Variants in TUT4 observed in about 807,000 individuals in gnomAD.
TUT4 encodes terminal uridylyl transferase 4, also known as terminal uridylyltransferase 4.
A neutral mutation model predicts 192.2 loss-of-function variants in TUT4; 36 were observed. That is an observed-to-expected ratio of 0.19 (90% CI 0.14 to 0.25). The LOEUF is 0.25. Among genes scored for constraint, TUT4 ranks in the 10% least tolerant of loss-of-function variants. The probability of loss-of-function intolerance (pLI) is 1.00; values close to 1 mark genes in which losing one functional copy is unlikely to be tolerated. For missense variants in TUT4, 1,493 were observed against 1,957.2 expected (o/e 0.76, Z 4.47); for synonymous variants, 618 against 666.0 (o/e 0.93, Z 1.11).
intron 27 of TUT4, 119 bp downstream of exon 27, chr1:52,435,246 T>A: frequency 2.8e-6 from 2 of 722,908 alleles, no homozygotes; most frequent in Non-Finnish European, 4.5e-6. Context: ...AGGACATATA[T>A]ACAAAGCACT....
At chr1:52,499,580 A>G (rs1255625781) in intron 4 of TUT4, among the ~76,000 whole-genome samples, 3 of 151,886 alleles carry the variant, frequency 2.0e-5, no homozygotes, top group Non-Finnish European at 4.4e-5. Flanking sequence ...TACAAAAAAT[A>G]TAAAAATTAG....
intron 1 of TUT4, among the ~76,000 whole-genome samples, chr1:52,527,706 T>C (rs1682193366): frequency 6.6e-6 from 1 of 152,010 alleles, no homozygotes; most frequent in Admixed American, 6.6e-5. Context: ...TAAAGTAAAC[T>C]ATAGACACTG....
chr1:52,451,513 G>A (rs1302314672), intron 20 of TUT4, among the ~76,000 whole-genome samples: 2 of 152,074 alleles, frequency 1.3e-5, no homozygotes, highest in Non-Finnish European at 2.9e-5. Flanking sequence ...CTACAATTTT[G>A]ATAACCTAGA....
intron 9 of TUT4, among the ~76,000 whole-genome samples, chr1:52,482,585 C>T (rs888659364): frequency 6.6e-6 from 1 of 152,064 alleles, no homozygotes; most frequent in Non-Finnish European, 1.5e-5. Context: ...CACCACCATG[C>T]TCAGCTAATT....
At chr1:52,457,513 C>T (rs200434983) in intron 20 of TUT4, among the ~76,000 whole-genome samples, 4 of 152,170 alleles carry the variant, frequency 2.6e-5, no homozygotes, top group East Asian at 3.9e-4. Context: ...GGATTACAGG[C>T]GTGAGCCACC....
chr1:52,427,955 C>G (rs1418200146), intron 28 of TUT4, among the ~76,000 whole-genome samples: 1 of 152,160 alleles, frequency 6.6e-6, no homozygotes, highest in Non-Finnish European at 1.5e-5. Context: ...AATCCAGTCT[C>G]TGAATCTAAA....
chr1:52,427,524 T>G (rs1370457626), intron 28 of TUT4, among the ~76,000 whole-genome samples: 2 of 152,234 alleles, frequency 1.3e-5, no homozygotes, highest in Non-Finnish European at 2.9e-5. Flanking sequence ...GGGTCTGTCT[T>G]CATGGTTCTA....
chr1:52,460,396 C>A (rs368474935), intron 19 of TUT4, among the ~76,000 whole-genome samples: 2 of 151,862 alleles, frequency 1.3e-5, no homozygotes, highest in African/African-American at 4.8e-5. Context: ...GCAGGAGAAT[C>A]GCTTAAACCC....
At chr1:52,439,726 G>A (rs1654931738) in intron 24 of TUT4, among the ~76,000 whole-genome samples, 1 of 152,040 alleles carries the variant, frequency 6.6e-6, no homozygotes, top group Non-Finnish European at 1.5e-5. Flanking sequence ...TCCTTGAAAA[G>A]TTAAACATAA....
intron 1 of TUT4, among the ~76,000 whole-genome samples, chr1:52,537,963 T>C (rs548681495): frequency 1.3e-5 from 2 of 151,874 alleles, no homozygotes; most frequent in Admixed American, 6.6e-5. Context: ...TGGCTGGGCA[T>C]GGCGGCTCAT....
intron 1 of TUT4, among the ~76,000 whole-genome samples, chr1:52,538,228 T>C (rs1228693443): frequency 1.3e-5 from 2 of 151,860 alleles, no homozygotes; most frequent in East Asian, 3.9e-4. Context: ...AGAGCAAGAC[T>C]CCATCTCAAA....
chr1:52,469,418 G>A (rs145580543), intron 14 of TUT4, among the ~76,000 whole-genome samples: 11 of 152,222 alleles, frequency 7.2e-5, no homozygotes, highest in African/African-American at 2.2e-4. Context: ...AGGGGTATTG[G>A]TTAACAGTTC....
intron 13 of TUT4, 67 bp from the exon 14 acceptor site, chr1:52,472,169 AT>A: frequency 7.1e-7 from 1 of 1,415,968 alleles, no homozygotes; most frequent in East Asian, 2.4e-5. Flanking sequence ...TAGGAAGTGA[AT>A]TCAAAACAAA....
rs958626409 is a variant in TUT4 at position 52,461,636 on chromosome 1, C to T, written c.3128-20G>A. On this transcript the variant is annotated intron_variant, in intron 17 of 29. Coordinates refer to ENST00000257177, the MANE Select transcript of TUT4 (RefSeq NM_001009881.3). ...TTAAACCTAATTTAAAAAAAAAAGA[C>T]TTCAGTAGGTTAAATAATTTTCATA... is the stretch of plus-strand genomic sequence containing the variant. The T allele has an allele frequency of 1.9e-5, 30 of 1,573,842 alleles. No homozygotes were observed. In the East Asian group the frequency reaches 6.7e-4, roughly 35 times the overall value.
chr1:52,527,330 G>A (rs1337352375), intron 1 of TUT4, among the ~76,000 whole-genome samples: 7 of 152,118 alleles, frequency 4.6e-5, no homozygotes, highest in Admixed American at 2.6e-4. Context: ...GGCGGATCAC[G>A]AGGTCAGGAG....
intron 24 of TUT4, among the ~76,000 whole-genome samples, chr1:52,441,437 C>T (rs548871586): frequency 2.7e-5 from 4 of 145,888 alleles, no homozygotes; most frequent in African/African-American, 5.3e-5. Flanking sequence ...CCACCACTCT[C>T]GGCTAAATTT....
At chr1:52,467,053 G>A (rs903980051) in intron 15 of TUT4, among the ~76,000 whole-genome samples, 38 of 152,238 alleles carry the variant, frequency 2.5e-4, no homozygotes, top group African/African-American at 8.9e-4. Context: ...GCTAAGGCAG[G>A]AGGATTGCTT....
intron 8 of TUT4, 35 bp downstream of exon 8, chr1:52,490,696 TG>T (rs1217831900): frequency 2.3e-5 from 36 of 1,569,000 alleles, no homozygotes; most frequent in Non-Finnish European, 3.0e-5. Context: ...TGTTGGGGTT[TG>T]TTTTTTTAAA....
intron 1 of TUT4, among the ~76,000 whole-genome samples, chr1:52,534,791 A>C (rs1410405086): frequency 6.6e-6 from 1 of 152,022 alleles, no homozygotes; most frequent in Non-Finnish European, 1.5e-5. Context: ...TGAGCCCAGG[A>C]GGTCAAGGCT....
Sources: gnomAD v4.1 joint callset for allele counts (sites outside exome capture counted in the v4.1 genomes callset) on GRCh38, gnomAD v4.1.1 for gene constraint, MANE v1.5 for transcripts, NCBI Gene and HGNC (gene_info 2026-07-23, HGNC 2026-07-21) for gene names.